TBC1D5: variants seen among roughly 807,000 people sequenced by gnomAD.
TBC1D5 encodes the protein TBC1 domain family member 5.
In TBC1D5, 75 loss-of-function variants were observed where a neutral mutation model predicts 100.3. The ratio of observed to expected loss-of-function variants is 0.75; its 90% CI spans 0.62 to 0.91. The LOEUF (loss-of-function observed/expected upper bound fraction) is 0.91, where lower values mean the gene tolerates loss of function less well. Ranked by LOEUF, TBC1D5 falls within the 40% of genes least tolerant of loss-of-function variation. TBC1D5 has a pLI of 0.00. For synonymous variants in TBC1D5, 323 were observed against 325.6 expected (o/e 0.99, Z 0.09); for missense variants, 910 against 942.4 (o/e 0.97, Z 0.45).
chr3:17,515,668 C>T (rs999590092), intron 2 of TBC1D5, among the ~76,000 whole-genome samples: 3 of 152,110 alleles, frequency 2.0e-5, no homozygotes, highest in East Asian at 1.9e-4. Flanking sequence ...TTAACTATAA[C>T]GTAATACCAA....
chr3:17,551,068 A>ATG, intron 2 of TBC1D5, among the ~76,000 whole-genome samples: 1 of 152,106 alleles, frequency 6.6e-6, no homozygotes, highest in East Asian at 1.9e-4. Flanking sequence ...GTGTGTGTGT[A>ATG]TGTGTGTGTA....
intron 18 of TBC1D5, 117 bp from the exon 20 acceptor site, chr3:17,185,325 C>T: frequency 1.4e-6 from 1 of 718,224 alleles, no homozygotes; most frequent in Non-Finnish European, 2.1e-6. Context: ...TAAACCTAGA[C>T]AAATCTAAAT....
chr3:17,492,834 T>C (rs1413112164), intron 3 of TBC1D5, among the ~76,000 whole-genome samples: 1 of 152,252 alleles, frequency 6.6e-6, no homozygotes, highest in Non-Finnish European at 1.5e-5. Flanking sequence ...ATTTCTGAAT[T>C]GCATTATTTA....
chr3:17,663,832 T>C (rs570493155), intron 1 of TBC1D5, among the ~76,000 whole-genome samples: 32 of 152,296 alleles, frequency 2.1e-4, no homozygotes, highest in African/African-American at 7.0e-4. Context: ...ATAGTACATC[T>C]ATATAATAAC....
At chr3:17,402,425 T>G (rs2093671634) in intron 8 of TBC1D5, among the ~76,000 whole-genome samples, 1 of 152,156 alleles carries the variant, frequency 6.6e-6, no homozygotes, top group South Asian at 2.1e-4. Flanking sequence ...ATTTATATAA[T>G]GATTTATAGT....
intron 14 of TBC1D5, among the ~76,000 whole-genome samples, chr3:17,304,172 C>T (rs2083159761): frequency 6.6e-6 from 1 of 152,038 alleles, no homozygotes; most frequent in Non-Finnish European, 1.5e-5. Flanking sequence ...GACTCCAGAC[C>T]CAGTTCTTTT....
At chr3:17,480,245 C>T (rs1392333927) in intron 3 of TBC1D5, among the ~76,000 whole-genome samples, 1 of 114,748 alleles carries the variant, frequency 8.7e-6, no homozygotes, top group Non-Finnish European at 1.8e-5. Context: ...GCAAGCACCC[C>T]TCAGCTCAAA....
At chr3:17,369,709 A>G (rs184385883) in intron 13 of TBC1D5, among the ~76,000 whole-genome samples, 1 of 152,306 alleles carries the variant, frequency 6.6e-6, no homozygotes, top group Admixed American at 6.5e-5. Flanking sequence ...ATAGATGGGT[A>G]GTACAGATGG....
At chr3:17,616,168 A>G (rs570843941) in intron 2 of TBC1D5, among the ~76,000 whole-genome samples, 8 of 152,090 alleles carry the variant, frequency 5.3e-5, no homozygotes, top group Non-Finnish European at 1.2e-4. Context: ...TCAGGAGCAA[A>G]TTGTTCAGTT....
Position 17,422,534 on chromosome 3 carries a change from A to G in TBC1D5, c.167+5916T>C, listed in dbSNP as rs1451198918. Among the ~76,000 whole-genome samples the G allele has an allele frequency of 3.3e-5, 5 of 152,096 alleles. No individual in the cohort carries two copies. In the East Asian group the frequency reaches 9.6e-4, roughly 29 times the overall value. On this transcript the variant is annotated intron_variant, in intron 4 of 21. Coordinates refer to ENST00000253692, the Ensembl canonical transcript of TBC1D5. ...TAAAAATAACATGATTAACAAAATT[A>G]TATCACTTTAAGAGTGTGACTAGAA...
At chr3:17,250,362 T>C (rs1382141424) in intron 16 of TBC1D5, among the ~76,000 whole-genome samples, 2 of 152,216 alleles carry the variant, frequency 1.3e-5, no homozygotes, top group African/African-American at 4.8e-5. Context: ...TTAATTTAAG[T>C]CAGATCATAT....
chr3:17,257,833 A>G (rs1270328459), intron 16 of TBC1D5, among the ~76,000 whole-genome samples: 1 of 152,202 alleles, frequency 6.6e-6, no homozygotes, highest in Non-Finnish European at 1.5e-5. Flanking sequence ...AATTCGGACA[A>G]CTTGGCAGCA....
intron 1 of TBC1D5, among the ~76,000 whole-genome samples, chr3:17,706,983 A>T (rs2074248004): frequency 6.6e-6 from 1 of 152,012 alleles, no homozygotes; most frequent in African/African-American, 2.4e-5. Context: ...AATCATTAAC[A>T]AAAGATTGTT....
At chr3:17,647,040 TG>T (rs2065081162) in intron 1 of TBC1D5, 1 of 152,144 alleles carries the variant, frequency 6.6e-6, no homozygotes, top group Non-Finnish European at 1.5e-5. Flanking sequence ...AAACTTTACA[TG>T]TTCTGGACTC....
At chr3:17,446,978 A>T (rs1259639923) in intron 3 of TBC1D5, among the ~76,000 whole-genome samples, 1 of 152,134 alleles carries the variant, frequency 6.6e-6, no homozygotes, top group Non-Finnish European at 1.5e-5. Context: ...CTCAAAAAAA[A>T]AAAAGACCAC....
chr3:17,265,283 GA>G (rs769667195), intron 15 of TBC1D5, among the ~76,000 whole-genome samples: 28 of 152,048 alleles, frequency 1.8e-4, no homozygotes, highest in Admixed American at 1.6e-3. Flanking sequence ...TGTTTAACAG[GA>G]AAAAATATTT....
intron 2 of TBC1D5, among the ~76,000 whole-genome samples, chr3:17,610,433 T>G (rs1017847405): frequency 6.6e-6 from 1 of 152,170 alleles, no homozygotes; most frequent in African/African-American, 2.4e-5. Context: ...GCAATCTGCC[T>G]GCCTCAGCCT....
chr3:17,214,436 G>C (rs879169217), intron 17 of TBC1D5, 66 bp from the exon 19 acceptor site: 4 of 1,497,328 alleles, frequency 2.7e-6, no homozygotes, highest in Admixed American at 2.0e-5. Flanking sequence ...TCGATCTACT[G>C]TTTTTAATAA....
chr3:17,357,759 C>T (rs1402951796), intron 13 of TBC1D5, among the ~76,000 whole-genome samples: 2 of 152,316 alleles, frequency 1.3e-5, no homozygotes, highest in Middle Eastern at 3.4e-3. Flanking sequence ...AAACTCAGTA[C>T]TCTTGATCTG....
Sources: allele counts gnomAD v4.1 joint callset (sites outside exome capture counted in the v4.1 genomes callset), GRCh38; gene constraint gnomAD v4.1.1; transcripts MANE v1.5; gene names NCBI Gene and HGNC (gene_info 2026-07-23, HGNC 2026-07-21).